The following RAB33A variants were observed in gnomAD, a reference collection of about 807,000 sequenced individuals.
RAB33A encodes the protein RAB33A, member RAS oncogene family.
Under a neutral mutation model 12.0 loss-of-function variants are expected in RAB33A, and 6 were observed. The ratio of observed to expected loss-of-function variants is 0.50; its 90% confidence interval spans 0.27 to 0.99. The LOEUF is 0.99. RAB33A is among the 50% of genes least tolerant of loss of function. The pLI, the probability that RAB33A is intolerant of heterozygous loss-of-function variation, is 0.11. For missense variants in RAB33A, 109 were observed against 192.0 expected (o/e 0.57, Z 2.55); for synonymous variants, 70 against 82.4 (o/e 0.85, Z 0.81).
the RAB33A span, among the ~76,000 whole-genome samples, chrX:130,128,947 G>A: frequency 8.9e-6 from 1 of 112,326 alleles, no homozygotes; most frequent in African/African-American, 3.2e-5. Flanking sequence ...TCACTCATTC[G>A]ACAATGATCT....
At chrX:130,177,600 G>A (rs2031675907) in intron 1 of RAB33A, among the ~76,000 whole-genome samples, 1 of 111,341 alleles carries the variant, frequency 9.0e-6, no homozygotes, top group African/African-American at 3.3e-5. Context: ...TTAGGCACTG[G>A]GTCACATACT....
chrX:130,130,312 T>A, the RAB33A span: 3 of 662,644 alleles, frequency 4.5e-6, no homozygotes, highest in Non-Finnish European at 6.9e-6. Flanking sequence ...GCCCCCTCAG[T>A]AAACCCTGGC....
At chrX:130,158,689 C>T in the RAB33A span, among the ~76,000 whole-genome samples, 1 of 84,745 alleles carries the variant, frequency 1.2e-5, no homozygotes, top group Non-Finnish European at 2.2e-5. Context: ...CTAACACTAA[C>T]CATAGCTGAT....
chrX:130,143,829 AGAGT>A, the RAB33A span, among the ~76,000 whole-genome samples: 1 of 110,254 alleles, frequency 9.1e-6, no homozygotes, highest in African/African-American at 3.3e-5. Flanking sequence ...CCTGGGCGAC[AGAGT>A]GAGAATCTGT....
chrX:130,130,090 A>T, the RAB33A span: 5 of 1,211,817 alleles, frequency 4.1e-6, no homozygotes, highest in Admixed American at 1.1e-4. Context: ...GAGCCTGTGG[A>T]ACTGCCGGGG....
the RAB33A span, chrX:130,137,096 T>C: frequency 8.3e-7 from 1 of 1,209,586 alleles, no homozygotes. Flanking sequence ...ACTTTTTCCA[T>C]GGTCCAGTTG....
the RAB33A span, among the ~76,000 whole-genome samples, chrX:130,115,812 A>G: frequency 9.0e-6 from 1 of 111,532 alleles, no homozygotes; most frequent in African/African-American, 3.3e-5. Flanking sequence ...ATGGTGTTAA[A>G]GGAAGCCTCC....
chrX:130,137,211 C>G, the RAB33A span: 2 of 1,210,009 alleles, frequency 1.7e-6, no homozygotes, highest in Middle Eastern at 2.3e-4. Flanking sequence ...AGAGTAGTTA[C>G]AGCAGGAAGC....
chrX:130,144,514 G>A, the RAB33A span, among the ~76,000 whole-genome samples: 1 of 111,409 alleles, frequency 9.0e-6, no homozygotes, highest in Non-Finnish European at 1.9e-5. Context: ...GTGCCCTTGT[G>A]CTTTTGCTTA....
the RAB33A span, among the ~76,000 whole-genome samples, chrX:130,133,838 C>T: frequency 4.7e-5 from 5 of 106,980 alleles, no homozygotes; most frequent in Admixed American, 1.0e-4. Flanking sequence ...TGCCATGTTG[C>T]GCAGGCTGGT....
chrX:130,137,819 T>C, the RAB33A span: 1 of 854,948 alleles, frequency 1.2e-6, no homozygotes, highest in Non-Finnish European at 1.4e-6. Flanking sequence ...TCCCAGCACT[T>C]TGGGTGGCCG....
the RAB33A span, among the ~76,000 whole-genome samples, chrX:130,111,587 C>T: frequency 8.9e-6 from 1 of 111,941 alleles, no homozygotes; most frequent in African/African-American, 3.2e-5. Context: ...GAAGTCGAGT[C>T]TAGGACTCCT....
intron 1 of RAB33A, among the ~76,000 whole-genome samples, chrX:130,178,612 TGAGC>T (rs1310224864): frequency 1.8e-5 from 2 of 111,064 alleles, no homozygotes; most frequent in African/African-American, 3.3e-5. Context: ...CCTGGGTGAC[TGAGC>T]GAGACCATGT....
chrX:130,115,823 C>T, the RAB33A span, among the ~76,000 whole-genome samples: 1 of 111,181 alleles, frequency 9.0e-6, no homozygotes, highest in Non-Finnish European at 1.9e-5. Context: ...GGAAGCCTCC[C>T]ACCTATAAAT....
chrX:130,164,028 C>T, the RAB33A span, among the ~76,000 whole-genome samples: 485 of 107,216 alleles, frequency 4.5e-3, 3 homozygotes, highest in African/African-American at 0.016. Flanking sequence ...ATTAGCCGGG[C>T]GTGGTGGCGG....
At chrX:130,169,435 A>G (rs773136900), upstream of RAB33A, among the ~76,000 whole-genome samples, 29 of 111,986 alleles carry the variant, frequency 2.6e-4, no homozygotes, top group African/African-American at 8.7e-4. Context: ...ATTTGAAAGT[A>G]ATTTAATAAT....
chrX:130,156,199 G>C, the RAB33A span, among the ~76,000 whole-genome samples: 3 of 111,662 alleles, frequency 2.7e-5, no homozygotes, highest in Admixed American at 9.6e-5. Flanking sequence ...CTCGAATCTA[G>C]GAAAACATAG....
the RAB33A span, among the ~76,000 whole-genome samples, chrX:130,150,397 G>A: frequency 4.7e-4 from 43 of 91,921 alleles, 1 homozygote; most frequent in African/African-American, 1.5e-3. Flanking sequence ...GTGCAGTGGC[G>A]GGATCTCGGC....
At chrX:130,131,067 G>A in the RAB33A span, among the ~76,000 whole-genome samples, 1 of 112,281 alleles carries the variant, frequency 8.9e-6, no homozygotes, top group Admixed American at 9.4e-5. Context: ...AATAACTTGA[G>A]CTAAGGTCAA....
Sources: gnomAD v4.1 joint callset for allele counts (sites outside exome capture counted in the v4.1 genomes callset) on GRCh38, gnomAD v4.1.1 for gene constraint, MANE v1.5 for transcripts, NCBI Gene and HGNC (gene_info 2026-07-23, HGNC 2026-07-21) for gene names.